Variants in AK9 observed in about 807,000 individuals in gnomAD.
AK9 encodes the protein adenylate kinase 9.
A neutral mutation model predicts 239.6 loss-of-function variants in AK9; 191 were observed. The observed-to-expected ratio is 0.80, with a 90% CI of 0.71 to 0.90. The LOEUF (loss-of-function observed/expected upper bound fraction) is 0.90, where lower values mean the gene tolerates loss of function less well. Ranked by LOEUF, AK9 falls within the 40% of genes least tolerant of loss-of-function variation. AK9 has a pLI of 0.00. For missense variants in AK9, 1,995 were observed against 2,214.7 expected (o/e 0.90, Z 1.99); for synonymous variants, 689 against 721.0 (o/e 0.96, Z 0.71).
rs768969261 is a variant in AK9 at position 109,633,340 on chromosome 6, C to T, written c.934-17G>A. 4.4e-6 allele frequency: 7 copies of T among 1,582,384 alleles called. No homozygotes were observed. Among genetic ancestry groups the T allele is most frequent in the Non-Finnish European group, 6.0e-6 (7 of 1,174,212 alleles). On this transcript the variant is annotated splice_polypyrimidine_tract_variant and intron_variant, in intron 10 of 40. Transcript: ENST00000424296. ...TAGCTCATCCTGTGAATTGCAAATA[C>T]TACATTAAAAATATGGGCATAAATT...
At chr6:109,632,884 T>TAA in intron 12 of AK9, 39 bp downstream of exon 12, 1 of 1,585,496 alleles carries the variant, frequency 6.3e-7, no homozygotes, top group South Asian at 1.1e-5. Flanking sequence ...GATAGATAGA[T>TAA]AGATAGATAG....
At chr6:109,535,111 G>T (rs1433973866) in intron 27 of AK9, among the ~76,000 whole-genome samples, 4 of 152,160 alleles carry the variant, frequency 2.6e-5, no homozygotes, top group Admixed American at 2.0e-4. Context: ...AATCCTTTGG[G>T]TATATACCCA....
At position 109,656,815 on chromosome 6, in the gene AK9, A is replaced by C. The variant is rs1451319673; in HGVS notation, c.700T>G (p.Leu234Val). 1.2e-6 allele frequency: 2 copies of C among 1,611,536 alleles called. No individual in the cohort carries two copies. The highest frequency in any genetic ancestry group is 1.7e-6 in the Non-Finnish European group (2 of 1,178,018). ...TTAACAATGTTTTCAACATTTTCCA[A>C]ATAATCTTCAGGCCTCTGAACTAGA... ...HHLVQRPEDYLENVENIVKLY... is the reference protein window; with the variant it reads ...HHLVQRPEDYVENVENIVKLY... Residue 234 changes from leucine (L) to valine (V), a missense_variant, in exon 8 of 41, where the codon TTG becomes GTG. Coordinates refer to ENST00000424296, the MANE Select transcript of AK9 (RefSeq NM_001145128.3).
intron 20 of AK9, among the ~76,000 whole-genome samples, chr6:109,577,965 C>G (rs1178181428): frequency 4.2e-5 from 6 of 143,900 alleles, no homozygotes; most frequent in Admixed American, 1.4e-4. Flanking sequence ...TTTTAGATAG[C>G]CTGTTGCCCA....
At chr6:109,569,837 G>C (rs1432476680) in intron 21 of AK9, among the ~76,000 whole-genome samples, 1 of 152,230 alleles carries the variant, frequency 6.6e-6, no homozygotes, top group Non-Finnish European at 1.5e-5. Context: ...TGGTGGGACT[G>C]TAAACTAGTT....
chr6:109,627,133 CTT>C (rs71018357), intron 12 of AK9, among the ~76,000 whole-genome samples: 5,411 of 66,504 alleles, frequency 0.081, 107 homozygotes, highest in African/African-American at 0.21. Context: ...GATGTTTAAG[CTT>C]TTTTTTTTTT....
chr6:109,541,673 G>A (rs888301817), intron 27 of AK9, among the ~76,000 whole-genome samples: 1 of 152,222 alleles, frequency 6.6e-6, no homozygotes, highest in Admixed American at 6.5e-5. Flanking sequence ...GCCTCCCAAA[G>A]TTTTGGGATT....
At chr6:109,549,519 G>T (rs1463175151) in intron 25 of AK9, among the ~76,000 whole-genome samples, 3 of 152,154 alleles carry the variant, frequency 2.0e-5, no homozygotes, top group African/African-American at 7.2e-5. Context: ...GGGTTTGTCT[G>T]TGTTTGTGTT....
intron 17 of AK9, among the ~76,000 whole-genome samples, chr6:109,594,195 A>AATCG (rs1477625836): frequency 6.6e-6 from 1 of 152,198 alleles, no homozygotes; most frequent in Admixed American, 6.5e-5. Context: ...AGTGTGCAAA[A>AATCG]ATCGAAAGCA....
intron 26 of AK9, 22 bp from the exon 27 acceptor site, chr6:109,542,193 C>A (rs1782986260): frequency 1.3e-6 from 2 of 1,570,712 alleles, no homozygotes; most frequent in African/African-American, 2.8e-5. Context: ...AATCAGAAAA[C>A]AAAACAAGTT....
At chr6:109,608,958 T>C (rs972886844) in intron 17 of AK9, among the ~76,000 whole-genome samples, 1 of 152,130 alleles carries the variant, frequency 6.6e-6, no homozygotes, top group African/African-American at 2.4e-5. Flanking sequence ...TTATGAAAAA[T>C]AGTTCTTCTA....
At position 109,493,372 on chromosome 6, in the gene AK9, C is replaced by T; in HGVS notation, c.5733G>A (p.Gly1911=). The stretch of plus-strand genomic sequence containing the variant: ...AGGCTGCTATCACCTAAGTAAACTA[C>T]CCATTAATTGGGTCTATATTTCTGA... The part of the protein sequence containing the change: ...LSLRNIDPIN[G] The change falls in exon 41 of 41, where the codon GGG becomes GGA. Residue 1911 remains glycine, a synonymous_variant. Transcript: ENST00000424296. 6.2e-7 allele frequency: 1 copy of T among 1,612,504 alleles called. No individual in the cohort carries two copies. Among genetic ancestry groups the T allele is most frequent in the Non-Finnish European group, 8.5e-7 (1 of 1,178,780 alleles).
chr6:109,506,795 A>T lies in AK9; in HGVS notation c.4487T>A (p.Val1496Asp), dbSNP rs1200710258. 2 of 1,480,732 alleles carry T rather than the reference A, an allele frequency of 1.4e-6. No individual in the cohort carries two copies. The highest frequency in any genetic ancestry group is 1.4e-5 in the African/African-American group (1 of 69,986). The allele number at this position is 1,480,732 out of a possible 1,614,324, so 91.7% of individuals were successfully genotyped here. A position where few individuals can be genotyped will look rare whatever the true frequency, so the allele number is the denominator to read the frequency against. The change falls in exon 34 of 41, where the codon GTC (valine) becomes GAC (aspartate). Residue 1496 changes from valine to aspartate, a missense_variant. By Grantham distance (152) the Val-to-Asp change is radical. Around this residue, in one of 5 missense-constraint regions of AK9, gnomAD observed 45 missense variants for 80.5 expected, o/e 0.56. Transcript: ENST00000424296. Reference sequence around the variant, plus strand: ...TTTAGTTACAGGATATCCATCGATGACAACACTAACAAGGAAAAACATGAA... The same window carrying T: ...TTTAGTTACAGGATATCCATCGATGTCAACACTAACAAGGAAAAACATGAA... ...MESVCNTAGVVIDGYPVTKHQ... is the reference protein window; with the variant it reads ...MESVCNTAGVDIDGYPVTKHQ...
chr6:109,533,205 C>G, intron 28 of AK9, 46 bp downstream of exon 28: 2 of 1,440,824 alleles, frequency 1.4e-6, no homozygotes, highest in Non-Finnish European at 1.9e-6. Flanking sequence ...GATCACTAAA[C>G]AGATGCTGAA....
At chr6:109,634,916 T>C (rs1043442053) in intron 10 of AK9, among the ~76,000 whole-genome samples, 7 of 152,240 alleles carry the variant, frequency 4.6e-5, no homozygotes, top group Non-Finnish European at 1.0e-4. Flanking sequence ...GCAGACCATG[T>C]TCCTCTCTCA....
rs73520970 is a variant in AK9, at chr6:109,499,194, C to T, written c.4896G>A (p.Leu1632=). ...GTTCAAATTCTCCCAGGCGAGAAAG[C>T]AGCTCTTGAGGTGTGATACATAACT... ...IDKLCITPQE[L]LSRLGEFEQF... Residue 1632 remains leucine (L), a synonymous_variant, in exon 36 of 41, where the codon CTG becomes CTA. Transcript: ENST00000424296. 1,770 of 1,599,240 alleles carry T rather than the reference C, an allele frequency of 1.1e-3. 23 individuals are homozygous for T. The African/African-American group carries it at 0.021, about 19-fold the overall frequency.
At chr6:109,645,499 C>T (rs1195426390) in intron 8 of AK9, among the ~76,000 whole-genome samples, 1 of 152,214 alleles carries the variant, frequency 6.6e-6, no homozygotes, top group African/African-American at 2.4e-5. Flanking sequence ...AGCAGCCAGG[C>T]TGGGCGAGGG....
intron 17 of AK9, among the ~76,000 whole-genome samples, chr6:109,589,081 A>ATT (rs1379902248): frequency 1.3e-5 from 2 of 152,078 alleles, no homozygotes; most frequent in African/African-American, 4.8e-5. Context: ...GTTCTGTACA[A>ATT]ATTTCACTAT....
chr6:109,554,847 C>T (rs1378780753), intron 24 of AK9, among the ~76,000 whole-genome samples: 1 of 152,150 alleles, frequency 6.6e-6, no homozygotes, highest in Non-Finnish European at 1.5e-5. Flanking sequence ...ATTTGTATTT[C>T]TGTGGGGTCA....
Sources: allele counts gnomAD v4.1 joint callset (sites outside exome capture counted in the v4.1 genomes callset), GRCh38; gene constraint gnomAD v4.1.1; regional missense constraint gnomAD v4.1.1; transcripts MANE v1.5; gene names NCBI Gene and HGNC (gene_info 2026-07-23, HGNC 2026-07-21).